CDH13: variants seen among roughly 807,000 people sequenced by gnomAD.
The protein encoded by CDH13 is cadherin 13.
Under a neutral mutation model 63.8 loss-of-function variants are expected in CDH13, and 24 were observed. That is an observed-to-expected ratio of 0.38 (90% CI 0.27 to 0.53). The LOEUF is 0.53. CDH13 is among the 20% of genes least tolerant of loss of function. CDH13 has a pLI of 0.85. For missense variants in CDH13, 1,049 were observed against 903.1 expected (o/e 1.16, Z -2.07); for synonymous variants, 503 against 355.3 (o/e 1.42, Z -4.67).
At chr16:82,877,816 C>G (rs2040555189) in intron 2 of CDH13, among the ~76,000 whole-genome samples, 1 of 149,844 alleles carries the variant, frequency 6.7e-6, no homozygotes, top group South Asian at 2.1e-4. Context: ...TTTTAAATTT[C>G]CAGTAGCCAG....
At chr16:83,026,651 A>C (rs887458643) in intron 2 of CDH13, among the ~76,000 whole-genome samples, 1 of 152,220 alleles carries the variant, frequency 6.6e-6, no homozygotes, top group African/African-American at 2.4e-5. Context: ...AATGAAAAAA[A>C]CAAAAGTTAA....
At chr16:83,334,291 C>T (rs1294627384) in intron 5 of CDH13, among the ~76,000 whole-genome samples, 1 of 150,422 alleles carries the variant, frequency 6.6e-6, no homozygotes, top group Non-Finnish European at 1.5e-5. Context: ...CTTTCTCTCT[C>T]TCTCCCTCTC....
intron 4 of CDH13, among the ~76,000 whole-genome samples, chr16:83,207,251 T>C (rs1053680776): frequency 6.6e-6 from 1 of 152,210 alleles, no homozygotes; most frequent in Non-Finnish European, 1.5e-5. Flanking sequence ...CCCCATTCAC[T>C]GCCTCTGGAA....
intron 5 of CDH13, among the ~76,000 whole-genome samples, chr16:83,338,307 A>G (rs1316627948): frequency 6.6e-6 from 1 of 152,180 alleles, no homozygotes; most frequent in African/African-American, 2.4e-5. Flanking sequence ...GAGTCAGACC[A>G]ACTGTCAGCT....
At chr16:83,469,426 C>A (rs895674671) in intron 6 of CDH13, among the ~76,000 whole-genome samples, 19 of 152,076 alleles carry the variant, frequency 1.2e-4, no homozygotes, top group Admixed American at 2.0e-4. Flanking sequence ...TCGAGCAGGC[C>A]TTCCACAGTC....
At chr16:82,858,528 A>T (rs772698526) in intron 2 of CDH13, 55 bp downstream of exon 2, 2 of 1,052,494 alleles carry the variant, frequency 1.9e-6, no homozygotes, top group Non-Finnish European at 3.0e-6. Flanking sequence ...TGAATTTACT[A>T]ATGTTTATGA....
At chr16:83,296,292 A>G (rs912472980) in intron 5 of CDH13, among the ~76,000 whole-genome samples, 1 of 152,178 alleles carries the variant, frequency 6.6e-6, no homozygotes, top group African/African-American at 2.4e-5. Flanking sequence ...AGATGAGAAA[A>G]TTGAGACACT....
At chr16:83,682,492 T>C (rs975289792) in intron 10 of CDH13, among the ~76,000 whole-genome samples, 11 of 152,174 alleles carry the variant, frequency 7.2e-5, no homozygotes, top group Admixed American at 1.3e-4. Context: ...AATGTGCATG[T>C]TCTGTAGAGG....
chr16:83,282,264 G>A (rs964647329), intron 5 of CDH13, among the ~76,000 whole-genome samples: 1 of 152,106 alleles, frequency 6.6e-6, no homozygotes, highest in African/African-American at 2.4e-5. Flanking sequence ...TAATAATAAT[G>A]AAAAATGTTA....
At chr16:83,532,197 C>G (rs1465837738) in intron 7 of CDH13, among the ~76,000 whole-genome samples, 2 of 152,102 alleles carry the variant, frequency 1.3e-5, no homozygotes, top group Non-Finnish European at 2.9e-5. Flanking sequence ...TCCATTAAAC[C>G]TCTTTCTTTT....
At chr16:83,057,831 A>G (rs941411983) in intron 3 of CDH13, among the ~76,000 whole-genome samples, 2 of 152,184 alleles carry the variant, frequency 1.3e-5, no homozygotes, top group African/African-American at 4.8e-5. Flanking sequence ...GCACACTTGT[A>G]TTTTTTATGG....
intron 11 of CDH13, among the ~76,000 whole-genome samples, chr16:83,770,599 T>C (rs965438204): frequency 3.9e-5 from 6 of 152,222 alleles, no homozygotes; most frequent in Non-Finnish European, 8.8e-5. Context: ...CCCCAAAGGC[T>C]GCTGGTTGCC....
chr16:83,288,777 G>A (rs1472305619), intron 5 of CDH13, among the ~76,000 whole-genome samples: 2 of 152,198 alleles, frequency 1.3e-5, no homozygotes, highest in East Asian at 3.8e-4. Flanking sequence ...TGCAAAACGA[G>A]CCGCTGCAGT....
chr16:83,047,689 A>T lies in CDH13; in HGVS notation c.366+15471A>T, dbSNP rs879768401. Among the ~76,000 whole-genome samples the T allele has an allele frequency of 6.6e-6, 1 of 152,236 alleles. No individual in the cohort carries two copies. On this transcript the variant is annotated intron_variant, in intron 3 of 13. Transcript: ENST00000567109. This position sits in a 1 kb window ranked among gnomAD's most constrained non-coding sequence, Gnocchi z 4.9. ...CTAGCACTTACAATATCTGGCTGTG[A>T]ATAAATAATTTCTTAATGACTTAGC...
intron 3 of CDH13, among the ~76,000 whole-genome samples, chr16:83,083,455 C>T (rs754888014): frequency 2.0e-5 from 3 of 152,150 alleles, no homozygotes; most frequent in Non-Finnish European, 4.4e-5. Context: ...GGAGGTGGAA[C>T]AAAATCCTTG....
At chr16:83,735,666 C>T (rs546363389) in intron 10 of CDH13, 4 of 152,302 alleles carry the variant, frequency 2.6e-5, no homozygotes, top group African/African-American at 7.2e-5. Flanking sequence ...TGAGTATCCT[C>T]GTAGAACCCT....
chr16:82,841,431 TG>T (rs2039005669), intron 1 of CDH13, among the ~76,000 whole-genome samples: 1 of 152,298 alleles, frequency 6.6e-6, no homozygotes, highest in South Asian at 2.1e-4. Context: ...AAGGTCAAAT[TG>T]ATTATCCTGT....
intron 6 of CDH13, among the ~76,000 whole-genome samples, chr16:83,474,505 G>C (rs1202602807): frequency 6.6e-6 from 1 of 152,086 alleles, no homozygotes; most frequent in African/African-American, 2.4e-5. Context: ...GAGCAGCCAG[G>C]GTTGCAAGGC....
At chr16:82,842,977 A>G (rs1293413106) in intron 1 of CDH13, among the ~76,000 whole-genome samples, 2 of 152,304 alleles carry the variant, frequency 1.3e-5, no homozygotes, top group Middle Eastern at 3.4e-3. Context: ...GCTGGGGAGC[A>G]GCTATAAATA....
Sources: allele counts gnomAD v4.1 joint callset (sites outside exome capture counted in the v4.1 genomes callset), GRCh38; gene constraint gnomAD v4.1.1; non-coding constraint Gnocchi (gnomAD v3.1); transcripts MANE v1.5; gene names NCBI Gene and HGNC (gene_info 2026-07-23, HGNC 2026-07-21).